Variants in HMG20A observed in about 807,000 individuals in gnomAD.
The protein encoded by HMG20A is high mobility group 20A, also known as high mobility group protein 20A.
HMG20A carries 17 observed loss-of-function variants against 43.9 expected under a neutral mutation model. The observed-to-expected ratio is 0.39, with a 90% confidence interval of 0.27 to 0.58. HMG20A has a LOEUF of 0.58. Ranked by LOEUF, HMG20A falls within the 20% of genes least tolerant of loss-of-function variation. The pLI, the probability that HMG20A is intolerant of heterozygous loss-of-function variation, is 0.59. For missense variants in HMG20A, 341 were observed against 438.2 expected, an observed-to-expected ratio of 0.78 and a Z score of 1.98; for synonymous variants, 132 against 147.5, an observed-to-expected ratio of 0.89 and a Z score of 0.76.
At chr15:77,512,077 C>CTTT in the HMG20A span, among the ~76,000 whole-genome samples, 1 of 152,180 alleles carries the variant, frequency 6.6e-6, no homozygotes, top group Non-Finnish European at 1.5e-5. Context: ...ATTACTCAGT[C>CTTT]TTAAACAGGA....
At position 77,452,825 on chromosome 15, in the gene HMG20A, G is replaced by A. The variant is rs116461742; in HGVS notation, c.-4-5579G>A. Among the ~76,000 whole-genome samples, 760 of 152,314 alleles carry A rather than the reference G, an allele frequency of 5.0e-3. 4 individuals carry two copies. Among genetic ancestry groups the A allele is most frequent in the African/African-American group, 0.016 (659 of 41,568 alleles). ...AGTGAAAAGACAACCCAGAGAATGG[G>A]AGAAAAACATTTGAAAATAGTATAT... On this transcript the variant is annotated intron_variant, in intron 1 of 9. Transcript: ENST00000336216.
At chr15:77,461,506 G>T (rs1595924483) in intron 2 of HMG20A, among the ~76,000 whole-genome samples, 1 of 152,318 alleles carries the variant, frequency 6.6e-6, no homozygotes. Flanking sequence ...AGGCAAGAGG[G>T]TGTGAGATCA....
intron 9 of HMG20A, chr15:77,479,586 TAAA>T (rs2072888648): frequency 3.3e-6 from 1 of 299,040 alleles, no homozygotes; most frequent in Non-Finnish European, 6.1e-6. Context: ...TCTCTAAAAA[TAAA>T]AGAAAACAGA....
At chr15:77,502,737 G>T in the HMG20A span, among the ~76,000 whole-genome samples, 4 of 152,116 alleles carry the variant, frequency 2.6e-5, no homozygotes, top group Non-Finnish European at 4.4e-5. Context: ...AGAGGCCAAG[G>T]CAAGAGGATC....
intron 1 of HMG20A, among the ~76,000 whole-genome samples, chr15:77,421,997 C>T (rs1265102680): frequency 1.3e-5 from 2 of 152,142 alleles, no homozygotes; most frequent in African/African-American, 4.8e-5. Flanking sequence ...TCACAAAGGA[C>T]AAAAGGTCAA....
At chr15:77,492,131 T>C in the HMG20A span, among the ~76,000 whole-genome samples, 1 of 152,258 alleles carries the variant, frequency 6.6e-6, no homozygotes, top group South Asian at 2.1e-4. Flanking sequence ...TCCACTATAT[T>C]AAAATATAGC....
the HMG20A span, among the ~76,000 whole-genome samples, chr15:77,504,255 G>A: frequency 6.6e-6 from 1 of 152,220 alleles, no homozygotes; most frequent in Admixed American, 6.5e-5. Context: ...AGAGGAAGGA[G>A]GAAAGGCAGC....
In HMG20A at chr15:77,452,182, A is replaced by G. The variant is rs764295350; in HGVS notation, c.-4-6222A>G. 8.5e-5 allele frequency among the ~76,000 whole-genome samples: 13 copies of G among 152,374 alleles called. 1 individual carries two copies. The South Asian group carries it at 1.0e-3, about 12-fold the overall frequency. ...TGGCTTTAGGCAAAGTCTGGCCACA[A>G]TATTATGATGAAGCTGTGAAATACA... is the stretch of plus-strand genomic sequence containing the variant. On this transcript the variant is annotated intron_variant, in intron 1 of 9. Coordinates refer to ENST00000336216, the MANE Select transcript of HMG20A (RefSeq NM_001304504.2).
At position 77,427,737 on chromosome 15, in the gene HMG20A, C is replaced by T. The variant is rs186302206; in HGVS notation, c.-5+6733C>T. ...CAAAAAAAAATTTTATTCAGTGCTG[C>T]TGTCCTTATTTTCTGAATAATATTC... On this transcript the variant is annotated intron_variant, in intron 1 of 9. Coordinates refer to ENST00000336216, the MANE Select transcript of HMG20A (RefSeq NM_001304504.2). Among the ~76,000 whole-genome samples, 499 of 152,272 alleles carry T rather than the reference C, an allele frequency of 3.3e-3. 2 individuals are homozygous for T. The highest frequency in any genetic ancestry group is 5.6e-3 in the Non-Finnish European group (379 of 68,002).
chr15:77,462,838 T>A (rs532207658), intron 2 of HMG20A, among the ~76,000 whole-genome samples: 1 of 151,180 alleles, frequency 6.6e-6, no homozygotes, highest in Non-Finnish European at 1.5e-5. Flanking sequence ...AGTGGCATGA[T>A]CTTAGTTCAC....
chr15:77,462,637 GATTAAT>G (rs1009802584), intron 2 of HMG20A, among the ~76,000 whole-genome samples: 5 of 150,902 alleles, frequency 3.3e-5, no homozygotes, highest in Admixed American at 2.6e-4. Flanking sequence ...TTTTTACTTT[GATTAAT>G]ATTAAGTACA....
At chr15:77,511,384 C>G in the HMG20A span, among the ~76,000 whole-genome samples, 2 of 152,078 alleles carry the variant, frequency 1.3e-5, no homozygotes. Flanking sequence ...CCAGATCTGC[C>G]CCCAAATCAT....
the HMG20A span, among the ~76,000 whole-genome samples, chr15:77,495,569 C>CA: frequency 1.3e-5 from 2 of 151,966 alleles, no homozygotes; most frequent in South Asian, 2.1e-4. Context: ...AGAACAACAA[C>CA]AAAAAAAGGC....
intron 1 of HMG20A, among the ~76,000 whole-genome samples, chr15:77,436,202 C>T (rs1015832693): frequency 6.6e-6 from 1 of 152,148 alleles, no homozygotes; most frequent in Admixed American, 6.5e-5. Flanking sequence ...CTAATTTCTT[C>T]GTTAAAAATC....
intron 2 of HMG20A, among the ~76,000 whole-genome samples, chr15:77,463,833 G>A (rs2072728355): frequency 6.6e-6 from 1 of 152,076 alleles, no homozygotes; most frequent in South Asian, 2.1e-4. Context: ...TGTGATAGTT[G>A]GCAAACTGCC....
At chr15:77,469,454 C>G (rs983014555) in intron 4 of HMG20A, among the ~76,000 whole-genome samples, 1 of 151,954 alleles carries the variant, frequency 6.6e-6, no homozygotes, top group African/African-American at 2.4e-5. Flanking sequence ...TCAAGCACCC[C>G]TCCCACCTTA....
the HMG20A span, among the ~76,000 whole-genome samples, chr15:77,501,298 C>T: frequency 5.3e-5 from 8 of 152,186 alleles, no homozygotes; most frequent in Non-Finnish European, 1.0e-4. Flanking sequence ...GATTTCCACA[C>T]CCACCACCCC....
chr15:77,430,630 G>A (rs902790373), intron 1 of HMG20A, among the ~76,000 whole-genome samples: 11 of 152,150 alleles, frequency 7.2e-5, no homozygotes, highest in South Asian at 2.1e-4. Flanking sequence ...TTTATGGGGC[G>A]GAGCAGACAA....
At chr15:77,497,838 A>ATTT in the HMG20A span, among the ~76,000 whole-genome samples, 2 of 142,608 alleles carry the variant, frequency 1.4e-5, no homozygotes, top group African/African-American at 2.6e-5. Context: ...AAGATTTTTA[A>ATTT]TTTTTTTTTT....
Sources: allele counts gnomAD v4.1 joint callset (sites outside exome capture counted in the v4.1 genomes callset), GRCh38; gene constraint gnomAD v4.1.1; transcripts MANE v1.5; gene names NCBI Gene and HGNC (gene_info 2026-07-23, HGNC 2026-07-21).